The following IFNG-AS1 variants were observed in gnomAD, a reference collection of about 807,000 sequenced individuals.
The protein encoded by IFNG-AS1 is IFNG antisense RNA 1 (non-protein coding).
intron 3 of IFNG-AS1, among the ~76,000 whole-genome samples, chr12:68,016,805 T>C (rs533949800): frequency 6.6e-6 from 1 of 152,308 alleles, no homozygotes; most frequent in African/African-American, 2.4e-5. Flanking sequence ...GCTTCTTTTC[T>C]GTTCTCATGT....
chr12:68,000,582 G>A (rs759558183), intron 2 of IFNG-AS1, among the ~76,000 whole-genome samples: 1 of 152,078 alleles, frequency 6.6e-6, no homozygotes, highest in Admixed American at 6.5e-5. Flanking sequence ...TGAGATGGGT[G>A]GATTGCTTGA....
At chr12:67,993,824 G>A (rs909623999) in intron 1 of IFNG-AS1, among the ~76,000 whole-genome samples, 1 of 151,958 alleles carries the variant, frequency 6.6e-6, no homozygotes, top group African/African-American at 2.4e-5. Flanking sequence ...TTTTCTTTTT[G>A]CAAACTCTTT....
At chr12:68,012,343 C>T (rs1335036847) in intron 3 of IFNG-AS1, among the ~76,000 whole-genome samples, 1 of 152,126 alleles carries the variant, frequency 6.6e-6, no homozygotes, top group Non-Finnish European at 1.5e-5. Context: ...ATCCCATTTG[C>T]ATTCAGGGGA....
intron 1 of IFNG-AS1, among the ~76,000 whole-genome samples, chr12:67,994,532 AC>A (rs1192412462): frequency 6.6e-6 from 1 of 152,068 alleles, no homozygotes; most frequent in Non-Finnish European, 1.5e-5. Context: ...ACTTGGTAAA[AC>A]CCCTATATAC....
At chr12:68,003,877 A>T (rs1879843065) in intron 2 of IFNG-AS1, among the ~76,000 whole-genome samples, 1 of 150,336 alleles carries the variant, frequency 6.7e-6, no homozygotes, top group Non-Finnish European at 1.5e-5. Context: ...ACTGCACTCC[A>T]GCCTGGGTGA....
intron 2 of IFNG-AS1, among the ~76,000 whole-genome samples, chr12:68,002,042 T>C (rs1282386814): frequency 6.6e-6 from 1 of 152,248 alleles, no homozygotes; most frequent in Non-Finnish European, 1.5e-5. Context: ...TTGAAATAAG[T>C]TGGCAGTGTT....
chr12:67,999,588 G>A (rs575615333), intron 2 of IFNG-AS1, among the ~76,000 whole-genome samples: 28 of 152,228 alleles, frequency 1.8e-4, no homozygotes, highest in Admixed American at 1.4e-3. Flanking sequence ...ATGGAGTATA[G>A]CATATAGAAT....
At chr12:68,015,862 G>C (rs1017940724) in intron 3 of IFNG-AS1, among the ~76,000 whole-genome samples, 3 of 152,020 alleles carry the variant, frequency 2.0e-5, no homozygotes, top group East Asian at 1.9e-4. Flanking sequence ...AGGTTAAGAG[G>C]GTTGCCACTT....
At chr12:67,999,139 A>C (rs1369877293) in intron 2 of IFNG-AS1, among the ~76,000 whole-genome samples, 1 of 152,222 alleles carries the variant, frequency 6.6e-6, no homozygotes, top group Non-Finnish European at 1.5e-5. Context: ...AGATAGATAG[A>C]TATAAATAGG....
upstream of IFNG-AS1, chr12:67,989,478 G>T (rs1879451811): frequency 6.6e-6 from 1 of 152,192 alleles, no homozygotes; most frequent in South Asian, 2.1e-4. Context: ...GACTCTTAAA[G>T]AGATCTCAAG....
intron 2 of IFNG-AS1, among the ~76,000 whole-genome samples, chr12:67,996,531 G>T (rs994745051): frequency 2.6e-5 from 4 of 152,068 alleles, no homozygotes; most frequent in African/African-American, 9.7e-5. Flanking sequence ...AATCTATGTA[G>T]CTGTGTGTCC....
At chr12:68,000,278 G>T (rs1879737984) in intron 2 of IFNG-AS1, among the ~76,000 whole-genome samples, 1 of 151,910 alleles carries the variant, frequency 6.6e-6, no homozygotes. Flanking sequence ...AGAAAGAAAA[G>T]GTATTTAAAA....
chr12:68,012,615 G>C (rs1478837055), intron 3 of IFNG-AS1, among the ~76,000 whole-genome samples: 1 of 152,228 alleles, frequency 6.6e-6, no homozygotes, highest in Non-Finnish European at 1.5e-5. Flanking sequence ...GTTTGAGGGG[G>C]TGAAGAATCT....
intron 3 of IFNG-AS1, among the ~76,000 whole-genome samples, chr12:68,012,075 T>C (rs1880044784): frequency 6.6e-6 from 1 of 152,164 alleles, no homozygotes; most frequent in Non-Finnish European, 1.5e-5. Flanking sequence ...AGCTCAGTAG[T>C]GTGGCATGGA....
chr12:67,994,722 G>A (rs180946378), intron 1 of IFNG-AS1, among the ~76,000 whole-genome samples: 3 of 152,246 alleles, frequency 2.0e-5, no homozygotes, highest in East Asian at 3.9e-4. Context: ...ATAGATGTAC[G>A]TGAAGCACAC....
At chr12:68,013,648 G>A (rs1880081757) in intron 3 of IFNG-AS1, 1 of 152,136 alleles carries the variant, frequency 6.6e-6, no homozygotes, top group Non-Finnish European at 1.5e-5. Flanking sequence ...GGAGTTTTTG[G>A]GTAAGATTTG....
intron 3 of IFNG-AS1, chr12:68,019,802 T>A (rs1880243948): frequency 6.6e-6 from 1 of 152,222 alleles, no homozygotes; most frequent in Non-Finnish European, 1.5e-5. Flanking sequence ...CAGAAGGCAG[T>A]CATAGTCTGT....
chr12:67,993,879 C>A (rs1334835412), intron 1 of IFNG-AS1, among the ~76,000 whole-genome samples: 1 of 152,180 alleles, frequency 6.6e-6, no homozygotes, highest in Non-Finnish European at 1.5e-5. Context: ...TTGTAACTTT[C>A]CACATATATT....
chr12:68,012,166 G>T lies in IFNG-AS1; in HGVS notation n.241+6020G>T, dbSNP rs566841663. 5.1e-4 allele frequency among the ~76,000 whole-genome samples: 78 copies of T among 152,164 alleles called. 1 individual carries two copies. In the South Asian group the frequency reaches 0.016, roughly 30 times the overall value. On this transcript the variant is annotated intron_variant and non_coding_transcript_variant, in intron 3 of 5. Transcript: ENST00000536914. The stretch of plus-strand genomic sequence containing the variant: ...TAGATTGCGGTTTACAGGTTGTTTT[G>T]TTTTTTCTTTCCTTTTAATTGGTTT...
Sources: gnomAD v4.1 joint callset for allele counts (sites outside exome capture counted in the v4.1 genomes callset) on GRCh38, gnomAD v4.1.1 for gene constraint, MANE v1.5 for transcripts, NCBI Gene and HGNC (gene_info 2026-07-23, HGNC 2026-07-21) for gene names.